Variants in IRAG2 observed in about 807,000 individuals in gnomAD.
IRAG2 encodes lymphoid restricted membrane protein.
In IRAG2, 45 loss-of-function variants were observed where a neutral mutation model predicts 69.9. The ratio of observed to expected loss-of-function variants is 0.64; its 90% CI spans 0.51 to 0.83. IRAG2 has a LOEUF of 0.83. Ranked by LOEUF, IRAG2 falls within the 40% of genes least tolerant of loss-of-function variation. The pLI is 0.00. For missense variants in IRAG2, 520 were observed against 587.0 expected (o/e 0.89, Z 1.18); for synonymous variants, 193 against 202.4 (o/e 0.95, Z 0.40).
intron 19 of IRAG2, 136 bp downstream of exon 19, chr12:25,104,194 G>A (rs1592109136): frequency 2.3e-6 from 2 of 875,180 alleles, no homozygotes; most frequent in Non-Finnish European, 1.8e-6. Context: ...ATATAAATTG[G>A]TATCTAATTA....
At chr12:25,047,810 C>T (rs571047415), upstream of IRAG2, among the ~76,000 whole-genome samples, 6 of 152,278 alleles carry the variant, frequency 3.9e-5, no homozygotes, top group African/African-American at 7.2e-5. Flanking sequence ...TTTATGACTG[C>T]GTAGTATTCC....
intron 10 of IRAG2, among the ~76,000 whole-genome samples, chr12:25,084,572 ATTG>A: frequency 7.3e-6 from 1 of 136,978 alleles, no homozygotes; most frequent in South Asian, 2.3e-4. Flanking sequence ...TGTGTGTATT[ATTG>A]TTTTTTTCTT....
At chr12:25,053,199 T>A (rs1405823034) in intron 1 of IRAG2, among the ~76,000 whole-genome samples, 3 of 151,914 alleles carry the variant, frequency 2.0e-5, no homozygotes, top group African/African-American at 4.8e-5. Flanking sequence ...TGTCTGTGGC[T>A]GTTTTTTTCT....
intron 1 of IRAG2, among the ~76,000 whole-genome samples, chr12:25,055,565 G>A (rs1033983880): frequency 7.2e-5 from 11 of 152,046 alleles, no homozygotes; most frequent in Non-Finnish European, 1.0e-4. Context: ...CCATTAACTC[G>A]TCATTTACAT....
Position 25,073,665 on chromosome 12 carries a change from C to G in IRAG2, c.24+4234C>G, listed in dbSNP as rs1172592133. Among the ~76,000 whole-genome samples, 6 of 152,116 alleles carry G rather than the reference C, an allele frequency of 3.9e-5. No homozygotes were observed. In the East Asian group the frequency reaches 1.2e-3, roughly 29 times the overall value. On this transcript the variant is annotated intron_variant, in intron 6 of 21. Transcript: ENST00000556887. ...CATCTCAAAGTAAAATAATTTGGAGCCCTGTTTGGGACATTCTTGAGGAAG... is the reference window on the plus strand; with the variant it reads ...CATCTCAAAGTAAAATAATTTGGAGGCCTGTTTGGGACATTCTTGAGGAAG...
chr12:25,051,805 C>G (rs1300902766), upstream of IRAG2, among the ~76,000 whole-genome samples: 1 of 152,174 alleles, frequency 6.6e-6, no homozygotes, highest in African/African-American at 2.4e-5. Flanking sequence ...GCTCTCTTTC[C>G]TTTTCTTTTC....
chr12:25,052,996 A>G (rs2139885859), intron 1 of IRAG2, 40 bp downstream of exon 1: 1 of 398,448 alleles, frequency 2.5e-6, no homozygotes, highest in East Asian at 3.6e-5. Flanking sequence ...GTTTTTGTCC[A>G]CCCTCAGGCG....
chr12:25,108,281 A>ATATT lies in IRAG2; in HGVS notation c.*222_*225dup. 2 of 557,854 alleles carry ATATT rather than the reference A, an allele frequency of 3.6e-6. No homozygotes were observed. Among genetic ancestry groups the ATATT allele is most frequent in the Admixed American group, 3.4e-5 (1 of 29,000 alleles). The allele number at this position is 557,854 out of a possible 1,614,324, so 34.6% of individuals were successfully genotyped here. A position where few individuals can be genotyped will look rare whatever the true frequency, so the allele number is the denominator to read the frequency against. On this transcript the variant is annotated 3_prime_UTR_variant, in exon 22 of 22. Transcript: ENST00000556887. Reference sequence around the variant, plus strand: ...TTTGAATGAGCTTTTTAAGGAAGAAATATTATATATTGTTTGTTAAAGTTT... The same window carrying ATATT: ...TTTGAATGAGCTTTTTAAGGAAGAAATATTTATTATATATTGTTTGTTAAAGTTT...
intron 6 of IRAG2, among the ~76,000 whole-genome samples, chr12:25,071,713 A>G (rs1174008690): frequency 2.0e-5 from 3 of 152,232 alleles, no homozygotes; most frequent in Non-Finnish European, 4.4e-5. Context: ...TTCAAAGGAT[A>G]CAGGCCTTTG....
chr12:25,102,480 GAAGTTGGA>G (rs1948813542), intron 17 of IRAG2: 1 of 480,078 alleles, frequency 2.1e-6, no homozygotes, highest in Non-Finnish European at 3.7e-6. Flanking sequence ...GTGTAAAACT[GAAGTTGGA>G]AGTGGGTAAC....
intron 14 of IRAG2, chr12:25,090,742 T>A: frequency 2.4e-6 from 1 of 417,794 alleles, no homozygotes; most frequent in Non-Finnish European, 4.7e-6. Context: ...GAGTATCAGC[T>A]ATAAAATGAA....
At chr12:25,087,998 T>C (rs1003536976) in intron 10 of IRAG2, 102 bp from the exon 11 acceptor site, 1 of 802,344 alleles carries the variant, frequency 1.2e-6, no homozygotes, top group Non-Finnish European at 2.1e-6. Flanking sequence ...TGTTATAGAG[T>C]GTTTTTGTCA....
chr12:25,046,377 A>G (rs1159226646), intron 16 of IRAG2, among the ~76,000 whole-genome samples: 1 of 152,124 alleles, frequency 6.6e-6, no homozygotes, highest in Non-Finnish European at 1.5e-5. Flanking sequence ...AAAAAAAATA[A>G]AAGGCATATA....
rs56728551 is a variant in IRAG2, at chr12:25,100,000, GAAAAAA to G, written c.742-1158_742-1153del. Among the ~76,000 whole-genome samples, 110 of 25,668 alleles carry G rather than the reference GAAAAAA, an allele frequency of 4.3e-3. 2 individuals carry two copies. The highest frequency in any genetic ancestry group is 9.5e-3 in the African/African-American group (33 of 3,486). The allele number at this position is 25,668 out of a possible 152,430, so 16.8% of individuals were successfully genotyped here. On this transcript the variant is annotated intron_variant, in intron 15 of 21. Coordinates refer to ENST00000556887, the MANE Select transcript of IRAG2 (RefSeq NM_001366544.2). ...GGGCAACAAGAGTGAGACTCCATCT[GAAAAAA>G]AAAAAAAAAAAAAAAAAAATGGGCA...
intron 1 of IRAG2, among the ~76,000 whole-genome samples, chr12:25,055,701 C>G (rs1264960292): frequency 6.6e-6 from 1 of 152,140 alleles, no homozygotes; most frequent in Non-Finnish European, 1.5e-5. Context: ...TGAGAATATG[C>G]AGAGTTTGGT....
At chr12:25,033,888 A>G (rs193103569) in exon 13 of IRAG2, 1 of 398,930 alleles carries the variant, frequency 2.5e-6, no homozygotes, top group African/African-American at 2.1e-5. Flanking sequence ...GTGTAACAGT[A>G]TCATCTCTGA....
At chr12:25,074,520 A>G (rs1946548569) in intron 6 of IRAG2, among the ~76,000 whole-genome samples, 1 of 152,194 alleles carries the variant, frequency 6.6e-6, no homozygotes, top group Non-Finnish European at 1.5e-5. Context: ...TGTTGTCCAC[A>G]CTGTCCTATG....
intron 14 of IRAG2, among the ~76,000 whole-genome samples, chr12:25,092,340 CA>C (rs1323179949): frequency 6.7e-6 from 1 of 150,368 alleles, no homozygotes; most frequent in East Asian, 1.9e-4. Flanking sequence ...GCAGAGGTTG[CA>C]GTCAGCCAAG....
chr12:25,017,650 A>G (rs11047760), intron 6 of IRAG2, among the ~76,000 whole-genome samples: 11,530 of 152,028 alleles, frequency 0.076, 579 homozygotes, highest in African/African-American at 0.15. Context: ...TCTGGGAGGC[A>G]GAAGTTGCAG....
Sources: gnomAD v4.1 joint callset for allele counts (sites outside exome capture counted in the v4.1 genomes callset) on GRCh38, gnomAD v4.1.1 for gene constraint, MANE v1.5 for transcripts, NCBI Gene and HGNC (gene_info 2026-07-23, HGNC 2026-07-21) for gene names.